Variants in LPGAT1 observed in about 807,000 individuals in gnomAD.
LPGAT1 encodes the protein acyl-CoA:lysophosphatidylglycerol acyltransferase 1.
Under a neutral mutation model 47.5 loss-of-function variants are expected in LPGAT1, and 11 were observed. The ratio of observed to expected loss-of-function variants is 0.23; its 90% confidence interval spans 0.15 to 0.38. LPGAT1 has a LOEUF of 0.38. Ranked by LOEUF, LPGAT1 falls within the 10% of genes least tolerant of loss-of-function variation. The pLI, the probability that LPGAT1 is intolerant of heterozygous loss-of-function variation, is 1.00. For missense variants in LPGAT1, 293 were observed against 439.0 expected, an observed-to-expected ratio of 0.67 and a Z score of 2.97; for synonymous variants, 138 against 144.2, an observed-to-expected ratio of 0.96 and a Z score of 0.31.
chr1:211,785,411 T>C (rs1434246084), intron 4 of LPGAT1, among the ~76,000 whole-genome samples: 1 of 152,164 alleles, frequency 6.6e-6, no homozygotes, highest in East Asian at 1.9e-4. Context: ...CTTCCCCTCA[T>C]GTTATAGATT....
chr1:211,817,136 T>C (rs1409077961), intron 2 of LPGAT1, among the ~76,000 whole-genome samples: 1 of 152,236 alleles, frequency 6.6e-6, no homozygotes, highest in Admixed American at 6.5e-5. Context: ...CAGTTAATTT[T>C]CTTCCCTTCA....
In LPGAT1 at chr1:211,774,632, C is replaced by CT. The variant is rs1374095455; in HGVS notation, c.854+4285dup. 1.7e-3 allele frequency among the ~76,000 whole-genome samples: 260 copies of CT among 152,228 alleles called. 4 individuals carry two copies. Among genetic ancestry groups the CT allele is most frequent in the Non-Finnish European group, 3.4e-4 (23 of 68,012 alleles). ...ATACTACCTATTTGTAAGACAGGCT[C>CT]TAGTATACAACTCTGTCACAAATGT... On this transcript the variant is annotated intron_variant, in intron 6 of 7. Coordinates refer to ENST00000366997, the MANE Select transcript of LPGAT1 (RefSeq NM_014873.3).
At chr1:211,752,707 G>A (rs1657253698) in intron 6 of LPGAT1, among the ~76,000 whole-genome samples, 1 of 147,954 alleles carries the variant, frequency 6.8e-6, no homozygotes, top group Non-Finnish European at 1.5e-5. Context: ...ACCTTATGTA[G>A]AAAGGTGTTG....
chr1:211,764,535 T>G (rs1322406147), intron 6 of LPGAT1, among the ~76,000 whole-genome samples: 1 of 152,196 alleles, frequency 6.6e-6, no homozygotes, highest in African/African-American at 2.4e-5. Context: ...CTGTCAAATT[T>G]AACGTATCAG....
intron 6 of LPGAT1, among the ~76,000 whole-genome samples, chr1:211,770,198 G>A (rs1236364657): frequency 6.6e-6 from 1 of 152,014 alleles, no homozygotes; most frequent in East Asian, 1.9e-4. Flanking sequence ...GTAATATCCT[G>A]TCTTTCTCTA....
chr1:211,784,804 CTTTTT>C (rs11393776), intron 4 of LPGAT1, among the ~76,000 whole-genome samples: 1 of 133,322 alleles, frequency 7.5e-6, no homozygotes. Context: ...AAGGTTCTTT[CTTTTT>C]TTTTTTTTTT....
intron 4 of LPGAT1, among the ~76,000 whole-genome samples, chr1:211,785,932 C>T (rs1457619555): frequency 2.0e-5 from 3 of 152,050 alleles, no homozygotes; most frequent in Non-Finnish European, 4.4e-5. Flanking sequence ...TGATGATCAT[C>T]ATTAGAATCA....
chr1:211,779,023 T>G lies in LPGAT1; in HGVS notation c.749A>C (p.Gln250Pro). 6.3e-7 allele frequency: 1 copy of G among 1,586,540 alleles called. No homozygotes were observed. The highest frequency in any genetic ancestry group is 8.5e-7 in the Non-Finnish European group (1 of 1,172,286). ...KELDSKSKGL[Q>P]WIIDTTIAYP... ...AGCTATCGTTGTATCTATTATCCAC[T>G]GGAGGCCTTTTGATTTGCTGTCTGA... Residue 250 changes from glutamine (Q) to proline (P), a missense_variant, in exon 6 of 8, where the codon CAG becomes CCG. Physicochemically the swap from Gln to Pro is moderately conservative, Grantham distance 76. Coordinates refer to ENST00000366997, the MANE Select transcript of LPGAT1 (RefSeq NM_014873.3).
chr1:211,771,516 T>G (rs943860282), intron 6 of LPGAT1, among the ~76,000 whole-genome samples: 2 of 152,114 alleles, frequency 1.3e-5, no homozygotes, highest in Non-Finnish European at 2.9e-5. Context: ...TTATTATTAT[T>G]TTTTTGAGAC....
chr1:211,794,241 G>A (rs6669439), intron 2 of LPGAT1, among the ~76,000 whole-genome samples: 4,979 of 152,172 alleles, frequency 0.033, 253 homozygotes, highest in African/African-American at 0.11. Context: ...AAATCTATAC[G>A]TACATTCTAA....
At chr1:211,826,346 GT>G (rs910260379) in intron 2 of LPGAT1, among the ~76,000 whole-genome samples, 7 of 152,096 alleles carry the variant, frequency 4.6e-5, no homozygotes, top group African/African-American at 1.2e-4. Flanking sequence ...ATAAAATTTA[GT>G]TTTCCTAAGA....
Position 211,819,618 on chromosome 1 carries a change from A to G in LPGAT1, c.238+9441T>C, listed in dbSNP as rs144203607. ...GGGGTGGAGAGCAGCTTATAGGGCA[A>G]GACAGTGTGGCATGTGATGAAGAGG... On this transcript the variant is annotated intron_variant, in intron 2 of 7. Coordinates refer to ENST00000366997, the MANE Select transcript of LPGAT1 (RefSeq NM_014873.3). Among the ~76,000 whole-genome samples, 472 of 152,346 alleles carry G rather than the reference A, an allele frequency of 3.1e-3. 1 individual carries two copies. Among genetic ancestry groups the G allele is most frequent in the African/African-American group, 0.011 (450 of 41,580 alleles).
intron 3 of LPGAT1, among the ~76,000 whole-genome samples, chr1:211,789,501 T>C (rs904214945): frequency 7.9e-5 from 12 of 152,308 alleles, no homozygotes; most frequent in East Asian, 3.9e-4. Flanking sequence ...TATAAAACAT[T>C]TAATAAAGTT....
At chr1:211,778,377 A>G (rs913812276) in intron 6 of LPGAT1, among the ~76,000 whole-genome samples, 1 of 150,954 alleles carries the variant, frequency 6.6e-6, no homozygotes, top group Admixed American at 6.6e-5. Flanking sequence ...AAAAAAAAGG[A>G]AGGCATGAAT....
At chr1:211,777,248 G>A (rs562824123) in intron 6 of LPGAT1, among the ~76,000 whole-genome samples, 6 of 152,194 alleles carry the variant, frequency 3.9e-5, no homozygotes, top group Admixed American at 1.3e-4. Context: ...CAAAACCACA[G>A]TACTATCCTG....
intron 2 of LPGAT1, among the ~76,000 whole-genome samples, chr1:211,804,304 G>C (rs534405505): frequency 4.1e-4 from 62 of 151,960 alleles, no homozygotes; most frequent in African/African-American, 1.5e-3. Context: ...CCCACCTTGG[G>C]CTCCCACAGT....
chr1:211,753,307 T>A (rs1184296376), intron 6 of LPGAT1, among the ~76,000 whole-genome samples: 2 of 152,234 alleles, frequency 1.3e-5, no homozygotes, highest in Non-Finnish European at 2.9e-5. Context: ...CTTTTTTCTG[T>A]CCTCGAACTT....
chr1:211,784,872 C>T (rs1157762291), intron 4 of LPGAT1, among the ~76,000 whole-genome samples: 8 of 148,220 alleles, frequency 5.4e-5, no homozygotes, highest in South Asian at 4.2e-4. Flanking sequence ...GGTGCGATCT[C>T]GGGTCACTGC....
At chr1:211,788,084 A>G (rs1658959549) in intron 3 of LPGAT1, among the ~76,000 whole-genome samples, 1 of 152,316 alleles carries the variant, frequency 6.6e-6, no homozygotes, top group East Asian at 1.9e-4. Context: ...ATATAATAAA[A>G]TGGTTAAGTT....
Sources: allele counts gnomAD v4.1 joint callset (sites outside exome capture counted in the v4.1 genomes callset), GRCh38; gene constraint gnomAD v4.1.1; transcripts MANE v1.5; gene names NCBI Gene and HGNC (gene_info 2026-07-23, HGNC 2026-07-21).